Variants in JAKMIP3 observed in about 807,000 individuals in gnomAD.
JAKMIP3 encodes the protein Janus kinase and microtubule interacting protein 3, also known as janus kinase and microtubule-interacting protein 3.
In JAKMIP3, 58 loss-of-function variants were observed where a neutral mutation model predicts 118.5. The ratio of observed to expected loss-of-function variants is 0.49; its 90% CI spans 0.40 to 0.61. JAKMIP3 has a LOEUF of 0.61. Ranked by LOEUF, JAKMIP3 falls within the 20% of genes least tolerant of loss-of-function variation. The pLI, the probability that JAKMIP3 is intolerant of heterozygous loss-of-function variation, is 0.00. For missense variants in JAKMIP3, 950 were observed against 1,109.0 expected (o/e 0.86, Z 2.04); for synonymous variants, 486 against 451.2 (o/e 1.08, Z -0.98).
intron 1 of JAKMIP3, among the ~76,000 whole-genome samples, chr10:132,078,619 C>CGGGG (rs10568086): frequency 1.5e-5 from 2 of 133,920 alleles, no homozygotes; most frequent in African/African-American, 2.6e-5. Context: ...TCTCTGGGGG[C>CGGGG]GGGGGGGGGG....
upstream of JAKMIP3, among the ~76,000 whole-genome samples, chr10:132,062,149 G>A (rs2038416995): frequency 6.6e-6 from 1 of 152,114 alleles, no homozygotes; most frequent in African/African-American, 2.4e-5. Flanking sequence ...GAAGAAACCT[G>A]GGCAGCCAGT....
intron 23 of JAKMIP3, among the ~76,000 whole-genome samples, chr10:132,175,579 G>C (rs1189663055): frequency 6.6e-6 from 1 of 152,170 alleles, no homozygotes; most frequent in African/African-American, 2.4e-5. Context: ...GCCACTCAGG[G>C]TCTGGAAGCT....
chr10:132,069,361 G>A (rs1040366755), intron 1 of JAKMIP3, among the ~76,000 whole-genome samples: 2 of 152,120 alleles, frequency 1.3e-5, no homozygotes, highest in Non-Finnish European at 2.9e-5. Context: ...CCACTGACCT[G>A]TTTCGTGTTA....
At position 132,136,942 on chromosome 10, in the gene JAKMIP3, AC is replaced by A. The variant is rs889400388; in HGVS notation, c.1117-70del. On this transcript the variant is annotated intron_variant, in intron 6 of 23. Transcript: ENST00000684848. The stretch of plus-strand genomic sequence containing the variant: ...GTGGCAGCCCGGGTTGAGGGAGAAG[AC>A]CCCCCCGCCGACCCACTGTGTTCAG... 3.3e-5 allele frequency: 49 copies of A among 1,497,808 alleles called. 1 individual carries two copies. The African/African-American group carries it at 4.8e-4, about 15-fold the overall frequency. The allele number at this position is 1,497,808 out of a possible 1,614,324, so 92.8% of individuals were successfully genotyped here.
intron 19 of JAKMIP3, among the ~76,000 whole-genome samples, chr10:132,161,031 C>CTCTCCCTGTGTGATGCTGGGGGCATG (rs2058162982): frequency 7.1e-5 from 1 of 14,180 alleles, no homozygotes; most frequent in African/African-American, 3.1e-4. Context: ...CTGGGGGGGC[C>CTCTCCCTGTGTGATGCTGGGGGCATG]TCTTCCTGTG....
chr10:132,156,113 C>T (rs2057059282), intron 19 of JAKMIP3, among the ~76,000 whole-genome samples: 1 of 152,206 alleles, frequency 6.6e-6, no homozygotes, highest in Non-Finnish European at 1.5e-5. Flanking sequence ...AGCTGACACT[C>T]CTCTGCCCGC....
At chr10:132,136,632 T>C (rs1019115595) in intron 6 of JAKMIP3, among the ~76,000 whole-genome samples, 2 of 152,186 alleles carry the variant, frequency 1.3e-5, no homozygotes, top group African/African-American at 2.4e-5. Flanking sequence ...TACCCCTCTC[T>C]ATGGAAGCCC....
intron 1 of JAKMIP3, among the ~76,000 whole-genome samples, chr10:132,039,230 C>T (rs568115825): frequency 5.3e-5 from 8 of 152,310 alleles, no homozygotes; most frequent in African/African-American, 1.9e-4. Context: ...AAGTGATCCT[C>T]CTGCCTTGGT....
At chr10:132,132,149 T>C (rs1034215452) in intron 3 of JAKMIP3, among the ~76,000 whole-genome samples, 11 of 152,254 alleles carry the variant, frequency 7.2e-5, no homozygotes, top group Admixed American at 7.2e-4. Context: ...TTTTCTTCTG[T>C]TCAGCTCATC....
chr10:132,095,514 C>T (rs1284039700), intron 1 of JAKMIP3, among the ~76,000 whole-genome samples: 1 of 152,140 alleles, frequency 6.6e-6, no homozygotes, highest in East Asian at 1.9e-4. Flanking sequence ...TGGGGGTGAA[C>T]GGTCCTCCTT....
chr10:132,047,777 C>T (rs1460847257), intron 1 of JAKMIP3, among the ~76,000 whole-genome samples: 1 of 125,806 alleles, frequency 7.9e-6, no homozygotes, highest in African/African-American at 2.9e-5. Flanking sequence ...CCACCCCACG[C>T]CCCGCCCTCT....
At chr10:132,097,499 A>G (rs1053068333) in intron 1 of JAKMIP3, among the ~76,000 whole-genome samples, 8 of 151,756 alleles carry the variant, frequency 5.3e-5, no homozygotes, top group Non-Finnish European at 1.0e-4. Flanking sequence ...GAAATGGCAA[A>G]ATTATGTAGT....
At chr10:132,047,084 A>G (rs943628904) in intron 1 of JAKMIP3, among the ~76,000 whole-genome samples, 22 of 152,120 alleles carry the variant, frequency 1.4e-4, no homozygotes, top group Non-Finnish European at 3.2e-4. Context: ...ACAGGTTCTC[A>G]CTATGTTGCC....
At chr10:132,069,906 C>T (rs11146144) in intron 1 of JAKMIP3, among the ~76,000 whole-genome samples, 7,643 of 152,250 alleles carry the variant, frequency 0.05, 383 homozygotes, top group East Asian at 0.25. Flanking sequence ...GCATAGGGCA[C>T]AATGGGAGCA....
chr10:132,074,183 C>G (rs2040421363), intron 1 of JAKMIP3, among the ~76,000 whole-genome samples: 1 of 152,148 alleles, frequency 6.6e-6, no homozygotes, highest in Non-Finnish European at 1.5e-5. Context: ...TCCTGAATAG[C>G]TAGGATTACA....
At chr10:132,076,949 C>T (rs575653499) in intron 1 of JAKMIP3, among the ~76,000 whole-genome samples, 31 of 149,100 alleles carry the variant, frequency 2.1e-4, no homozygotes, top group African/African-American at 7.4e-4. Flanking sequence ...GGCTGGCCTG[C>T]GGTGGCCCCG....
At chr10:132,163,062 G>A in intron 19 of JAKMIP3, 147 bp from the exon 20 acceptor site, 1 of 751,168 alleles carries the variant, frequency 1.3e-6, no homozygotes, top group Non-Finnish European at 2.1e-6. Context: ...TGGTCCTTCT[G>A]CAGAGGCCAC....
intron 21 of JAKMIP3, among the ~76,000 whole-genome samples, chr10:132,165,572 G>A (rs1393384020): frequency 3.3e-5 from 5 of 152,228 alleles, no homozygotes; most frequent in South Asian, 2.1e-4. Context: ...TCATCCTTCC[G>A]GAGAGAACAG....
At chr10:132,163,470 C>T in intron 20 of JAKMIP3, 58 bp downstream of exon 20, 8 of 1,474,466 alleles carry the variant, frequency 5.4e-6, no homozygotes, top group East Asian at 2.5e-5. Context: ...CTGCACAGAG[C>T]CAGGGGGGGT....
Sources: gnomAD v4.1 joint callset for allele counts (sites outside exome capture counted in the v4.1 genomes callset) on GRCh38, gnomAD v4.1.1 for gene constraint, MANE v1.5 for transcripts, NCBI Gene and HGNC (gene_info 2026-07-23, HGNC 2026-07-21) for gene names.